The following CECR2 variants were observed in gnomAD, a reference collection of about 807,000 sequenced individuals.
CECR2 encodes CECR2 histone acetyl-lysine reader, also known as chromatin remodeling regulator CECR2.
In CECR2, 30 loss-of-function variants were observed where a neutral mutation model predicts 154.5. The observed-to-expected ratio is 0.19, with a 90% confidence interval of 0.15 to 0.26. CECR2 has a LOEUF of 0.26. Among genes scored for constraint, CECR2 ranks in the 10% least tolerant of loss-of-function variants. The pLI is 1.00. For synonymous variants in CECR2, 725 were observed against 683.7 expected, an observed-to-expected ratio of 1.06 and a Z score of -0.94; for missense variants, 1,743 against 1,829.3, an observed-to-expected ratio of 0.95 and a Z score of 0.86.
Position 17,418,141 on chromosome 22 carries a change from C to T in CECR2, c.126+48232C>T, listed in dbSNP as rs118140487. Among the ~76,000 whole-genome samples, 212 of 152,262 alleles carry T rather than the reference C, an allele frequency of 1.4e-3. 2 individuals carry two copies. The East Asian group carries it at 0.037, about 27-fold the overall frequency. On this transcript the variant is annotated intron_variant, in intron 1 of 18. Transcript: ENST00000262608. ...ATCATTTTCATTCCCCAAGAAAGTTCTCTCATGCTGCGTGCAGTCAAATCT... is the reference window on the plus strand; with the variant it reads ...ATCATTTTCATTCCCCAAGAAAGTTTTCTCATGCTGCGTGCAGTCAAATCT...
Position 17,537,154 on chromosome 22 carries a change from A to G in CECR2, c.1160A>G (p.Gln387Arg). ...GAAGAAAGGGCATGGCTGCTGGCTC[A>G]AGGAAAGGAGCTCCCTCCAGAACTT... is the stretch of plus-strand genomic sequence containing the variant. ...LREERAWLLA[Q>R]GKELPPELSH... The change falls in exon 10 of 19, where the codon CAA (glutamine) becomes CGA (arginine). Residue 387 changes from glutamine to arginine, a missense_variant. By Grantham distance (43) the Gln-to-Arg change is conservative. This residue lies in a region of CECR2 where 292 missense variants were observed against 301.2 expected (regional missense o/e 0.97). Coordinates refer to ENST00000262608, the MANE Select transcript of CECR2 (RefSeq NM_001290047.2). 1 of 1,613,902 alleles carries G rather than the reference A, an allele frequency of 6.2e-7. No homozygotes were observed.
chr22:17,392,770 G>A (rs1347213931), intron 1 of CECR2, among the ~76,000 whole-genome samples: 5 of 152,086 alleles, frequency 3.3e-5, no homozygotes, highest in Admixed American at 6.6e-5. Flanking sequence ...GGCCGGGCAC[G>A]GTGGCTCACA....
intron 1 of CECR2, among the ~76,000 whole-genome samples, chr22:17,470,811 C>T (rs575205398): frequency 4.5e-4 from 68 of 152,194 alleles, no homozygotes; most frequent in Admixed American, 8.5e-4. Flanking sequence ...ACCCTCCAGT[C>T]TCTCTCCCTA....
At chr22:17,364,749 C>T (rs552692532), upstream of CECR2, among the ~76,000 whole-genome samples, 23 of 152,102 alleles carry the variant, frequency 1.5e-4, no homozygotes, top group Non-Finnish European at 3.1e-4. Flanking sequence ...ACCGCCTGAA[C>T]GCAGAAGGCA....
intron 1 of CECR2, among the ~76,000 whole-genome samples, chr22:17,391,900 C>G (rs1359767661): frequency 6.6e-6 from 1 of 152,170 alleles, no homozygotes; most frequent in Non-Finnish European, 1.5e-5. Context: ...CTCCCAGGTT[C>G]AAGCAATTCC....
chr22:17,530,749 G>A (rs991479075), intron 9 of CECR2, among the ~76,000 whole-genome samples: 1 of 152,034 alleles, frequency 6.6e-6, no homozygotes, highest in Non-Finnish European at 1.5e-5. Flanking sequence ...TGGATAAAAG[G>A]AGAACCTGAA....
Position 17,512,707 on chromosome 22 carries a change from G to GA in CECR2, c.954+828dup, listed in dbSNP as rs774207282. ...AACTTCAGAGTTTCACTCTGTCTCA[G>GA]AAAAAAAAAAAAAAAAAGAAAGAAA... is the stretch of plus-strand genomic sequence containing the variant. On this transcript the variant is annotated intron_variant, in intron 8 of 18. Transcript: ENST00000262608. Among the ~76,000 whole-genome samples, 13 of 122,456 alleles carry GA rather than the reference G, an allele frequency of 1.1e-4. No individual in the cohort carries two copies. In the East Asian group the frequency reaches 1.6e-3, roughly 15 times the overall value. 80.3% of individuals were successfully genotyped at this position (122,456 alleles called of 152,430 possible).
At chr22:17,489,547 C>T (rs2055487901) in intron 2 of CECR2, among the ~76,000 whole-genome samples, 1 of 152,178 alleles carries the variant, frequency 6.6e-6, no homozygotes, top group Admixed American at 6.5e-5. Flanking sequence ...CCTCGACCTC[C>T]TGGGCTCAAA....
chr22:17,420,558 G>C (rs886464515), intron 1 of CECR2, among the ~76,000 whole-genome samples: 27 of 152,208 alleles, frequency 1.8e-4, no homozygotes, highest in African/African-American at 6.5e-4. Flanking sequence ...TACTTGGTTA[G>C]TGTGTTATTT....
At chr22:17,523,968 G>T (rs2056205686) in intron 8 of CECR2, 150 bp from the exon 9 acceptor site, 1 of 630,508 alleles carries the variant, frequency 1.6e-6, no homozygotes, top group African/African-American at 1.8e-5. Flanking sequence ...ATATCCATGT[G>T]TATTTTACAG....
chr22:17,532,488 T>C (rs2056370930), intron 9 of CECR2, among the ~76,000 whole-genome samples: 1 of 152,022 alleles, frequency 6.6e-6, no homozygotes, highest in Non-Finnish European at 1.5e-5. Context: ...TGGGGAAACA[T>C]TAGAAGTGTT....
chr22:17,476,808 T>G (rs2055215124), intron 1 of CECR2, among the ~76,000 whole-genome samples: 2 of 152,186 alleles, frequency 1.3e-5, no homozygotes. Context: ...CTAGAAAACA[T>G]TCTGTCATCT....
chr22:17,376,233 G>A (rs1252654202), intron 1 of CECR2, among the ~76,000 whole-genome samples: 2 of 152,210 alleles, frequency 1.3e-5, no homozygotes, highest in Non-Finnish European at 2.9e-5. Context: ...TTTGGTGTGT[G>A]TGTGTGTGCC....
intron 1 of CECR2, among the ~76,000 whole-genome samples, chr22:17,435,700 A>AAC (rs1555909241): frequency 6.7e-6 from 1 of 149,818 alleles, no homozygotes; most frequent in African/African-American, 2.5e-5. Flanking sequence ...AAAAAAAAAA[A>AAC]AAAAAAAAAA....
At chr22:17,537,006 G>A (rs2056447153) in intron 9 of CECR2, 97 bp from the exon 10 acceptor site, 4 of 1,437,978 alleles carry the variant, frequency 2.8e-6, no homozygotes, top group Middle Eastern at 2.3e-4. Flanking sequence ...ATCCTGCTTT[G>A]GTGGCCTGGT....
chr22:17,383,657 C>CTTTTTTTTT (rs57665657), intron 1 of CECR2, among the ~76,000 whole-genome samples: 1 of 104,278 alleles, frequency 9.6e-6, no homozygotes, highest in African/African-American at 3.9e-5. Flanking sequence ...TTCAGGTCCA[C>CTTTTTTTTT]TTTTTTTTTT....
chr22:17,479,593 C>T (rs144036693), intron 2 of CECR2, among the ~76,000 whole-genome samples: 1 of 151,480 alleles, frequency 6.6e-6, no homozygotes, highest in Non-Finnish European at 1.5e-5. Flanking sequence ...TCTAATTTGT[C>T]CTTCTGTTTA....
At chr22:17,424,344 T>C (rs1005978800) in intron 1 of CECR2, 2 of 168,092 alleles carry the variant, frequency 1.2e-5, no homozygotes, top group Admixed American at 1.2e-4. Flanking sequence ...CTCATGGTCA[T>C]GTAGAAAAAG....
chr22:17,427,366 G>C (rs185964744), intron 1 of CECR2, among the ~76,000 whole-genome samples: 97 of 152,180 alleles, frequency 6.4e-4, no homozygotes, highest in Admixed American at 2.6e-3. Flanking sequence ...ATAATCCTTT[G>C]GGTATATACC....
Sources: gnomAD v4.1 joint callset for allele counts (sites outside exome capture counted in the v4.1 genomes callset) on GRCh38, gnomAD v4.1.1 for gene constraint, gnomAD v4.1.1 regional missense constraint, MANE v1.5 for transcripts, NCBI Gene and HGNC (gene_info 2026-07-23, HGNC 2026-07-21) for gene names.